Variants in PRKCQ observed in about 807,000 individuals in gnomAD.
PRKCQ encodes the protein protein kinase C theta.
In PRKCQ, 41 loss-of-function variants were observed where a neutral mutation model predicts 91.2. The ratio of observed to expected loss-of-function variants is 0.45; its 90% CI spans 0.35 to 0.58. PRKCQ has a LOEUF of 0.58. Among genes scored for constraint, PRKCQ ranks in the 20% least tolerant of loss-of-function variants. The probability of loss-of-function intolerance (pLI) is 0.00; values close to 1 mark genes in which losing one functional copy is unlikely to be tolerated. For synonymous variants in PRKCQ, 307 were observed against 316.9 expected, an observed-to-expected ratio of 0.97 and a Z score of 0.33; for missense variants, 673 against 896.5, an observed-to-expected ratio of 0.75 and a Z score of 3.18.
chr10:6,482,812 T>C (rs368987738), intron 11 of PRKCQ, among the ~76,000 whole-genome samples: 2 of 152,192 alleles, frequency 1.3e-5, no homozygotes, highest in African/African-American at 4.8e-5. Flanking sequence ...TGAGAGGGCA[T>C]GTGTAGGGAA....
At chr10:6,445,787 A>T (rs919358600) in intron 15 of PRKCQ, among the ~76,000 whole-genome samples, 1 of 152,252 alleles carries the variant, frequency 6.6e-6, no homozygotes, top group Non-Finnish European at 1.5e-5. Context: ...GGAGAATGAT[A>T]AGGAAATATA....
chr10:6,448,950 G>A (rs1834486703), intron 15 of PRKCQ, among the ~76,000 whole-genome samples: 3 of 151,470 alleles, frequency 2.0e-5, no homozygotes, highest in South Asian at 2.1e-4. Flanking sequence ...CATCATCAAA[G>A]ACCAAAAGTA....
At chr10:6,431,058 T>C (rs1833394453) in intron 16 of PRKCQ, 120 bp from the exon 17 acceptor site, 8 of 1,304,982 alleles carry the variant, frequency 6.1e-6, no homozygotes, top group Non-Finnish European at 8.2e-6. Context: ...TCTACTCACC[T>C]TCATCAGGAC....
chr10:6,509,084 AG>A (rs1366947459), intron 3 of PRKCQ, among the ~76,000 whole-genome samples: 4 of 152,216 alleles, frequency 2.6e-5, no homozygotes, highest in Non-Finnish European at 5.9e-5. Context: ...AAAATAAAAA[AG>A]AAAACAAAAA....
intron 1 of PRKCQ, among the ~76,000 whole-genome samples, chr10:6,564,178 A>G (rs1840744566): frequency 6.6e-6 from 1 of 152,168 alleles, no homozygotes; most frequent in African/African-American, 2.4e-5. Flanking sequence ...GGTGATATGG[A>G]GTAACCAAAG....
rs866057165 is a variant in PRKCQ at position 6,491,748 on chromosome 10, G to A, written c.725C>T (p.Pro242Leu). The A allele has an allele frequency of 5.6e-6, 9 of 1,614,040 alleles. No homozygotes were observed. The highest frequency in any genetic ancestry group is 1.1e-5 in the South Asian group (1 of 91,084). The change falls in exon 8 of 18, where the codon CCG becomes CTG. Residue 242 changes from proline (P) to leucine (L), a missense_variant. Coordinates refer to ENST00000263125, the MANE Select transcript of PRKCQ (RefSeq NM_006257.5). ...GGTCCCACAGTGTTCACAGAAGGTC[G>A]GGCTCTTGTAATTGTAGACTTTAAA... ...HRFKVYNYKSPTFCEHCGTLL... is the reference protein window; with the variant it reads ...HRFKVYNYKSLTFCEHCGTLL...
In PRKCQ at chr10:6,465,577, G is replaced by C. The variant is rs79397589; in HGVS notation, c.1354-1173C>G. Among the ~76,000 whole-genome samples the C allele has an allele frequency of 6.6e-6, 1 of 152,200 alleles. No individual in the cohort carries two copies. Among genetic ancestry groups the C allele is most frequent in the Non-Finnish European group, 1.5e-5 (1 of 68,040 alleles). On this transcript the variant is annotated intron_variant, in intron 12 of 17. Transcript: ENST00000263125. This position sits in a 1 kb window ranked among gnomAD's most constrained non-coding sequence, Gnocchi z 4.4. ...CATAAAGTGTGAGGACCTTCGGTGC[G>C]TCTGGGCATGAATTTGCATCTGAAA...
At chr10:6,498,326 C>G (rs530977734) in intron 5 of PRKCQ, 70 bp downstream of exon 5, 8 of 1,551,078 alleles carry the variant, frequency 5.2e-6, no homozygotes, top group Non-Finnish European at 6.2e-6. Context: ...AGCATGCCAG[C>G]GTAGAGGATT....
chr10:6,470,801 A>AT (rs1163940470), intron 12 of PRKCQ, among the ~76,000 whole-genome samples: 1 of 152,278 alleles, frequency 6.6e-6, no homozygotes, highest in Non-Finnish European at 1.5e-5. Context: ...AAATACAAAA[A>AT]TTAGCCAGGC....
At chr10:6,578,265 G>A (rs1265254787) in intron 1 of PRKCQ, among the ~76,000 whole-genome samples, 3 of 152,226 alleles carry the variant, frequency 2.0e-5, no homozygotes, top group African/African-American at 7.2e-5. Context: ...AAGACGCAAT[G>A]AGGACATGTC....
intron 16 of PRKCQ, among the ~76,000 whole-genome samples, chr10:6,434,235 G>A (rs1450017814): frequency 6.6e-6 from 1 of 152,152 alleles, no homozygotes; most frequent in East Asian, 1.9e-4. Flanking sequence ...CTTCAGCAAA[G>A]TAGGCTGGAA....
rs1048557289 is a variant in PRKCQ at position 6,576,336 on chromosome 10, G to T, written c.-10+3875C>A. ...CAGATACAAGGATAAGCAAAATGTG[G>T]TATATCCATAAATGGAATAGTATTC... On this transcript the variant is annotated intron_variant, in intron 1 of 17. Coordinates refer to ENST00000263125, the MANE Select transcript of PRKCQ (RefSeq NM_006257.5). This position sits in a 1 kb window ranked among gnomAD's most constrained non-coding sequence, Gnocchi z 4.2. 6.6e-6 allele frequency among the ~76,000 whole-genome samples: 1 copy of T among 152,196 alleles called. No homozygotes were observed. Among genetic ancestry groups the T allele is most frequent in the African/African-American group, 2.4e-5 (1 of 41,446 alleles).
At chr10:6,437,474 T>C (rs1833754860) in intron 16 of PRKCQ, among the ~76,000 whole-genome samples, 1 of 152,176 alleles carries the variant, frequency 6.6e-6, no homozygotes, top group African/African-American at 2.4e-5. Flanking sequence ...GTCTGTTGTT[T>C]AACCCACTCA....
the PRKCQ span, among the ~76,000 whole-genome samples, chr10:6,413,528 G>T: frequency 8.0e-6 from 1 of 124,402 alleles, no homozygotes; most frequent in Admixed American, 8.0e-5. Flanking sequence ...TGGATTAAAT[G>T]CCACTTGTGC....
intron 4 of PRKCQ, among the ~76,000 whole-genome samples, chr10:6,503,321 G>T (rs1006582617): frequency 1.3e-5 from 2 of 152,202 alleles, no homozygotes; most frequent in Non-Finnish European, 2.9e-5. Context: ...TCTGAGTGAT[G>T]ATATGTGGGT....
intron 1 of PRKCQ, among the ~76,000 whole-genome samples, chr10:6,543,876 C>G (rs2130921050): frequency 6.6e-6 from 1 of 152,292 alleles, no homozygotes; most frequent in East Asian, 1.9e-4. Context: ...GGCTGATGCT[C>G]TGAGCAGACA....
At chr10:6,433,408 C>T (rs559084551) in intron 16 of PRKCQ, among the ~76,000 whole-genome samples, 1 of 152,330 alleles carries the variant, frequency 6.6e-6, no homozygotes, top group Admixed American at 6.5e-5. Context: ...CTATTCCTTA[C>T]AGAAGCTAGC....
intron 1 of PRKCQ, among the ~76,000 whole-genome samples, chr10:6,519,062 C>T (rs1401836629): frequency 2.6e-5 from 4 of 151,992 alleles, no homozygotes; most frequent in African/African-American, 7.3e-5. Context: ...TAAAAATATG[C>T]GTATCTATCC....
intron 1 of PRKCQ, among the ~76,000 whole-genome samples, chr10:6,579,646 T>G (rs60439385): frequency 2.2e-5 from 1 of 45,876 alleles, no homozygotes; most frequent in African/African-American, 6.2e-5. Context: ...CACGCAGATT[T>G]TTCTTTTTTT....
Sources: gnomAD v4.1 joint callset for allele counts (sites outside exome capture counted in the v4.1 genomes callset) on GRCh38, gnomAD v4.1.1 for gene constraint, Gnocchi (gnomAD v3.1) non-coding constraint, MANE v1.5 for transcripts, NCBI Gene and HGNC (gene_info 2026-07-23, HGNC 2026-07-21) for gene names.